Variants in SYNE2 observed in about 807,000 individuals in gnomAD.
SYNE2 encodes nesprin-2.
Under a neutral mutation model 856.3 loss-of-function variants are expected in SYNE2, and 431 were observed. The observed-to-expected ratio is 0.50, with a 90% CI of 0.47 to 0.55. The LOEUF is 0.55. Among genes scored for constraint, SYNE2 ranks in the 20% least tolerant of loss-of-function variants. SYNE2 has a pLI of 0.00. For missense variants in SYNE2, 8,129 were observed against 8,023.2 expected (o/e 1.01, Z -0.50); for synonymous variants, 2,923 against 2,872.3 (o/e 1.02, Z -0.56).
chr14:63,796,215 C>T (rs968765176), intron 1 of SYNE2, among the ~76,000 whole-genome samples: 12 of 152,186 alleles, frequency 7.9e-5, no homozygotes, highest in Non-Finnish European at 1.5e-4. Context: ...AATCTGAGCA[C>T]TTTGGGAGTC....
intron 87 of SYNE2, among the ~76,000 whole-genome samples, chr14:64,161,194 T>C (rs958898917): frequency 2.0e-5 from 3 of 151,886 alleles, no homozygotes; most frequent in African/African-American, 4.8e-5. Flanking sequence ...AAAACAAAAA[T>C]TAGCCAGGCG....
At chr14:63,815,205 C>CATATATATATGGATACATAT (rs1316734811) in intron 1 of SYNE2, among the ~76,000 whole-genome samples, 1 of 94,612 alleles carries the variant, frequency 1.1e-5, no homozygotes, top group Non-Finnish European at 2.2e-5. Flanking sequence ...TATATATATC[C>CATATATATATGGATACATAT]ATATATATAT....
chr14:63,881,965 T>A (rs1189329526), intron 1 of SYNE2, among the ~76,000 whole-genome samples: 1 of 152,200 alleles, frequency 6.6e-6, no homozygotes, highest in Non-Finnish European at 1.5e-5. Flanking sequence ...GAGTTTAAAA[T>A]CCAAGCATTT....
chr14:64,016,195 G>A (rs997740572), intron 32 of SYNE2, among the ~76,000 whole-genome samples: 9 of 151,834 alleles, frequency 5.9e-5, no homozygotes, highest in Non-Finnish European at 1.3e-4. Context: ...ATTTCACATG[G>A]ACAAGAAATA....
rs375497206 is a variant in SYNE2 at position 64,209,996 on chromosome 14, C to G, written c.18595C>G (p.Gln6199Glu). The G allele has an allele frequency of 1.6e-4, 257 of 1,614,054 alleles. No homozygotes were observed. The highest frequency in any genetic ancestry group is 2.1e-4 in the Non-Finnish European group (245 of 1,180,050). Residue 6199 changes from glutamine (Q) to glutamate (E), a missense_variant, in exon 103 of 116, where the codon CAG becomes GAG. Transcript: ENST00000555002. ...RLTQLELINK[Q>E]YRRLARENRT... ...CACTCAGCTGGAGCTCATCAACAAG[C>G]AGTACCGGCGGCTGGCCCGGGAGAA...
chr14:64,026,441 A>G, intron 41 of SYNE2, 138 bp from the exon 42 acceptor site: 2 of 694,438 alleles, frequency 2.9e-6, no homozygotes, highest in South Asian at 3.6e-5. Context: ...TCTTTCGGGT[A>G]CATATAAAAA....
At chr14:63,768,747 C>T (rs757171388) in intron 1 of SYNE2, among the ~76,000 whole-genome samples, 1 of 152,104 alleles carries the variant, frequency 6.6e-6, no homozygotes, top group African/African-American at 2.4e-5. Context: ...AAACCTCCAG[C>T]TAAGAAAGTT....
intron 85 of SYNE2, among the ~76,000 whole-genome samples, chr14:64,153,915 C>A (rs2098265536): frequency 6.6e-6 from 1 of 152,126 alleles, no homozygotes; most frequent in Non-Finnish European, 1.5e-5. Flanking sequence ...GATCCTCAGA[C>A]AATTTAATGA....
At chr14:64,040,630 A>G (rs1425236548) in intron 45 of SYNE2, among the ~76,000 whole-genome samples, 1 of 147,662 alleles carries the variant, frequency 6.8e-6, no homozygotes, top group Non-Finnish European at 1.5e-5. Context: ...ATACATATAT[A>G]TGTATATATT....
chr14:63,998,309 A>G lies in SYNE2; in HGVS notation c.3334A>G (p.Ile1112Val), dbSNP rs768865169. ...TATGGAAAAGGATTACAGTGCATCT[A>G]TAAATAGTTTACTAGAGAGGTAAAC... ...SIMEKDYSASINSLLERYDTY... is the reference protein window; with the variant it reads ...SIMEKDYSASVNSLLERYDTY... Residue 1112 changes from isoleucine to valine, a missense_variant, in exon 26 of 116, where the codon ATA becomes GTA. By Grantham distance (29) the Ile-to-Val change is conservative. Around this residue, in one of 3 missense-constraint regions of SYNE2, gnomAD observed 2,422 missense variants for 2,357.4 expected, o/e 1.03. Coordinates refer to ENST00000555002, the MANE Select transcript of SYNE2 (RefSeq NM_182914.3). The G allele has an allele frequency of 5.6e-6, 9 of 1,611,766 alleles. No individual in the cohort carries two copies. In the East Asian group the frequency reaches 6.7e-5, roughly 12 times the overall value.
intron 11 of SYNE2, among the ~76,000 whole-genome samples, chr14:63,974,888 G>GTATATATATATATATATATATA (rs1370206967): frequency 6.1e-4 from 16 of 26,442 alleles, no homozygotes; most frequent in Admixed American, 1.8e-3. Context: ...GTGTGTGTGT[G>GTATATATATATATATATATATA]TGTGTATATA....
At chr14:63,955,052 A>G (rs1224103569) in intron 8 of SYNE2, 137 bp downstream of exon 8, 1 of 723,942 alleles carries the variant, frequency 1.4e-6, no homozygotes, top group African/African-American at 1.8e-5. Flanking sequence ...TCTTTATCGA[A>G]TTTGATGCAA....
At chr14:64,005,152 G>GAC (rs1045682044) in intron 30 of SYNE2, among the ~76,000 whole-genome samples, 1 of 152,216 alleles carries the variant, frequency 6.6e-6, no homozygotes, top group Admixed American at 6.5e-5. Context: ...GCTGTTTGAT[G>GAC]ACTTTGGCTT....
At chr14:63,956,252 T>C (rs928300630) in intron 8 of SYNE2, among the ~76,000 whole-genome samples, 3 of 152,202 alleles carry the variant, frequency 2.0e-5, no homozygotes, top group African/African-American at 7.2e-5. Flanking sequence ...CACACCATTA[T>C]ATGTTGTTTC....
At chr14:64,138,912 TTGTGTGTGTGTG>T (rs143789075) in intron 79 of SYNE2, among the ~76,000 whole-genome samples, 9 of 144,310 alleles carry the variant, frequency 6.2e-5, no homozygotes, top group Admixed American at 3.4e-4. Context: ...CAAATGCTGG[TTGTGTGTGTGTG>T]TGTGTGTGTG....
intron 2 of SYNE2, among the ~76,000 whole-genome samples, chr14:63,915,628 C>G (rs1184907993): frequency 6.6e-6 from 1 of 152,188 alleles, no homozygotes; most frequent in Non-Finnish European, 1.5e-5. Flanking sequence ...GCACGAACCT[C>G]TATAAAATCA....
At chr14:63,812,755 G>A (rs890830922) in intron 1 of SYNE2, among the ~76,000 whole-genome samples, 1 of 152,098 alleles carries the variant, frequency 6.6e-6, no homozygotes, top group Admixed American at 6.6e-5. Flanking sequence ...CTGACTTCCT[G>A]CAACAGTTGA....
At chr14:64,114,008 CAA>C (rs1221679097) in intron 66 of SYNE2, among the ~76,000 whole-genome samples, 1 of 152,126 alleles carries the variant, frequency 6.6e-6, no homozygotes, top group Non-Finnish European at 1.5e-5. Context: ...AAGTATATAA[CAA>C]GTGCTCAGTA....
chr14:64,202,401 T>G, intron 99 of SYNE2: 1 of 656,958 alleles, frequency 1.5e-6, no homozygotes, highest in Non-Finnish European at 2.8e-6. Flanking sequence ...TGCTGCAGTC[T>G]CAGGCATACC....
Sources: gnomAD v4.1 joint callset for allele counts (sites outside exome capture counted in the v4.1 genomes callset) on GRCh38, gnomAD v4.1.1 for gene constraint, gnomAD v4.1.1 regional missense constraint, MANE v1.5 for transcripts, NCBI Gene and HGNC (gene_info 2026-07-23, HGNC 2026-07-21) for gene names.